The following MCOLN1 variants were observed in gnomAD, a reference collection of about 807,000 sequenced individuals.
MCOLN1 encodes the protein mucolipin TRP cation channel 1.
MCOLN1 carries 50 observed loss-of-function variants against 70.3 expected under a neutral mutation model. The observed-to-expected ratio is 0.71, with a 90% CI of 0.57 to 0.90. The LOEUF (loss-of-function observed/expected upper bound fraction) is 0.90. MCOLN1 is among the 40% of genes least tolerant of loss of function. The pLI is 0.00. For synonymous variants in MCOLN1, 366 were observed against 341.0 expected, an observed-to-expected ratio of 1.07 and a Z score of -0.81; for missense variants, 598 against 803.5, an observed-to-expected ratio of 0.74 and a Z score of 3.09.
In MCOLN1 at chr19:7,526,632, T is replaced by A; in HGVS notation, c.405+26T>A. ...GTGCTGGTGGGCGGGCAGGTGCTGG[T>A]GGGCAGGCAGGTGCAGGTGGGCGGG... On this transcript the variant is annotated intron_variant, in intron 3 of 13. Coordinates refer to ENST00000264079, the MANE Select transcript of MCOLN1 (RefSeq NM_020533.3). The surrounding 1 kb of genome is among the most constrained non-coding windows in gnomAD (Gnocchi z 4.6). 6.4e-7 allele frequency: 1 copy of A among 1,557,134 alleles called. No homozygotes were observed. Among genetic ancestry groups the A allele is most frequent in the Non-Finnish European group, 8.7e-7 (1 of 1,154,666 alleles).
chr19:7,523,971 C>T (rs906920759), intron 1 of MCOLN1, among the ~76,000 whole-genome samples: 2 of 151,936 alleles, frequency 1.3e-5, no homozygotes, highest in South Asian at 2.1e-4. Context: ...CTCAGCCTCC[C>T]GGGTAGATGG....
At chr19:7,529,506 G>GGGGGGCC in intron 10 of MCOLN1, 84 bp from the exon 11 acceptor site, 1 of 280,224 alleles carries the variant, frequency 3.6e-6, no homozygotes, top group Non-Finnish European at 6.4e-6. Flanking sequence ...GCAAGGCCCC[G>GGGGGGCC]CCCCTCCCAC....
rs771079155 is a variant in MCOLN1, at chr19:7,533,509, G to T, written c.1576-14G>T. 6.2e-7 allele frequency: 1 copy of T among 1,610,428 alleles called. No individual in the cohort carries two copies. On this transcript the variant is annotated splice_polypyrimidine_tract_variant and intron_variant, in intron 12 of 13. Coordinates refer to ENST00000264079, the MANE Select transcript of MCOLN1 (RefSeq NM_020533.3). ...AGCCACTTTCAGGCTGAGCCTCCCG[G>T]CTTCTCTCCCCAGCATCCCGGCGGC...
Position 7,526,377 on chromosome 19 carries a change from C to G in MCOLN1, c.238-62C>G, listed in dbSNP as rs1407329250. 2.9e-5 allele frequency: 47 copies of G among 1,600,198 alleles called. No individual in the cohort carries two copies. The highest frequency in any genetic ancestry group is 3.7e-5 in the Non-Finnish European group (43 of 1,167,554). On this transcript the variant is annotated intron_variant, in intron 2 of 13. Coordinates refer to ENST00000264079, the MANE Select transcript of MCOLN1 (RefSeq NM_020533.3). This position sits in a 1 kb window ranked among gnomAD's most constrained non-coding sequence, Gnocchi z 4.6. ...CCTGTCCTCTTCCAGGGCCTGTGCC[C>G]TGAGGGAGATACACCCCAACCCCCA...
At position 7,528,214 on chromosome 19, in the gene MCOLN1, G is replaced by A; in HGVS notation, c.834G>A (p.Gln278=). 1.9e-6 allele frequency: 3 copies of A among 1,614,090 alleles called. No individual in the cohort carries two copies. The highest frequency in any genetic ancestry group is 2.5e-6 in the Non-Finnish European group (3 of 1,179,972). The change falls in exon 7 of 14, where the codon CAG becomes CAA. Residue 278 remains glutamine, a synonymous_variant. Coordinates refer to ENST00000264079, the MANE Select transcript of MCOLN1 (RefSeq NM_020533.3). The surrounding 1 kb of genome is among the most constrained non-coding windows in gnomAD (Gnocchi z 4.2). ...GGATCCCCATCAGCCTGGAGACCCA[G>A]GCCCACATCCAGGAGTGTAAGCACC... ...SGRIPISLET[Q]AHIQECKHPS...
Position 7,525,349 on chromosome 19 carries a change from C to T in MCOLN1, c.237+183C>T, listed in dbSNP as rs2022554041. 4 of 618,036 alleles carry T rather than the reference C, an allele frequency of 6.5e-6. No homozygotes were observed. The highest frequency in any genetic ancestry group is 1.2e-5 in the Non-Finnish European group (4 of 341,590). 38.3% of individuals were successfully genotyped at this position (618,036 alleles called of 1,614,324 possible). ...TCTACTAAAAATACAAAAAAATTAG[C>T]CGTGCGTGGTGGCGGGTGCCTGTAA... On this transcript the variant is annotated intron_variant, in intron 2 of 13. Coordinates refer to ENST00000264079, the MANE Select transcript of MCOLN1 (RefSeq NM_020533.3). The surrounding 1 kb of genome is among the most constrained non-coding windows in gnomAD (Gnocchi z 4.2).
Position 7,526,409 on chromosome 19 carries a change from C to T in MCOLN1, c.238-30C>T. ...AGATACACCCCAACCCCCATCCTAG[C>T]CATGCCAACCTCTACTACCCTCTCC... On this transcript the variant is annotated intron_variant, in intron 2 of 13. Coordinates refer to ENST00000264079, the MANE Select transcript of MCOLN1 (RefSeq NM_020533.3). The surrounding 1 kb of genome is among the most constrained non-coding windows in gnomAD (Gnocchi z 4.6). The T allele has an allele frequency of 3.7e-6, 6 of 1,614,088 alleles. No homozygotes were observed. The highest frequency in any genetic ancestry group is 5.1e-6 in the Non-Finnish European group (6 of 1,179,906).
intron 4 of MCOLN1, chr19:7,527,291 AAAAAC>A: frequency 1.4e-5 from 8 of 555,414 alleles, no homozygotes; most frequent in Admixed American, 3.1e-5. Flanking sequence ...AAAAAAAAAA[AAAAAC>A]AAGTATGCTT....
Position 7,527,849 on chromosome 19 carries a change from G to A in MCOLN1, c.681-15G>A, listed in dbSNP as rs371978455. 204 of 1,607,036 alleles carry A rather than the reference G, an allele frequency of 1.3e-4. 2 individuals are homozygous for A. The highest frequency in any genetic ancestry group is 1.1e-3 in the Admixed American group (65 of 60,016). ...CCGAAGACGCCCCTGACCCTCACCC[G>A]AGCCTCCTGCCTAGGCTGGTCAATG... On this transcript the variant is annotated splice_polypyrimidine_tract_variant and intron_variant, in intron 5 of 13. Transcript: ENST00000264079.
In MCOLN1 at chr19:7,528,165, T is replaced by C. The variant is rs2022599557; in HGVS notation, c.785T>C (p.Phe262Ser). The C allele has an allele frequency of 1.2e-6, 2 of 1,614,000 alleles. No homozygotes were observed. The highest frequency in any genetic ancestry group is 1.7e-6 in the Non-Finnish European group (2 of 1,179,966). Residue 262 changes from phenylalanine (F) to serine (S), a missense_variant, in exon 7 of 14, where the codon TTT (phenylalanine) becomes TCT (serine). Around this residue, in one of 3 missense-constraint regions of MCOLN1, gnomAD observed 461 missense variants for 588.4 expected, o/e 0.78. Coordinates refer to ENST00000264079, the MANE Select transcript of MCOLN1 (RefSeq NM_020533.3). This position sits in a 1 kb window ranked among gnomAD's most constrained non-coding sequence, Gnocchi z 4.2. ...CCCAACTGGCCCCCACAGATCACGT[T>C]TGACAACAAAGCACACAGTGGGCGG... is the stretch of plus-strand genomic sequence containing the variant. ...DCYTFSVLIT[F>S]DNKAHSGRIP...
In MCOLN1 at chr19:7,524,965, C is replaced by T. The variant is rs148187755; in HGVS notation, c.36C>T (p.Thr12=). The T allele has an allele frequency of 9.9e-5, 159 of 1,613,532 alleles. No individual in the cohort carries two copies. The African/African-American group carries it at 1.2e-3, about 12-fold the overall frequency. The change falls in exon 2 of 14, where the codon ACC becomes ACT. Residue 12 remains threonine, a synonymous_variant. Transcript: ENST00000264079. The surrounding 1 kb of genome is among the most constrained non-coding windows in gnomAD (Gnocchi z 4.1). ...TAPAGPRGSE[T]ERLLTPNPGY... is the part of the protein sequence containing the mutation. ...TGCCCTCTCCTATTCCCACAGAGACCGAGCGGCTTCTGACCCCCAACCCCG... is the reference window on the plus strand; with the variant it reads ...TGCCCTCTCCTATTCCCACAGAGACTGAGCGGCTTCTGACCCCCAACCCCG...
Position 7,528,847 on chromosome 19 carries a change from G to A in MCOLN1, c.1011G>A (p.Gln337=), listed in dbSNP as rs1164919725. 4.3e-6 allele frequency: 7 copies of A among 1,614,242 alleles called. No homozygotes were observed. The South Asian group carries it at 6.6e-5, about 15-fold the overall frequency. ...AGTTTGTGGGGTTCATGTGGCGGCA[G>A]CGGGGACGGGTCATCAGCCTGTGGG... ...QNEFVGFMWR[Q]RGRVISLWER... Residue 337 remains glutamine (Q), a synonymous_variant, in exon 9 of 14, where the codon CAG becomes CAA. Transcript: ENST00000264079. This position sits in a 1 kb window ranked among gnomAD's most constrained non-coding sequence, Gnocchi z 4.2.
chr19:7,527,187 G>A (rs527483729), intron 4 of MCOLN1: 6 of 579,632 alleles, frequency 1.0e-5, no homozygotes, highest in East Asian at 6.3e-5. Flanking sequence ...CAGGAGGATC[G>A]CTTGAGTCCG....
In MCOLN1 at chr19:7,528,768, G is replaced by A. The variant is rs2022610367; in HGVS notation, c.985-53G>A. On this transcript the variant is annotated intron_variant, in intron 8 of 13. Coordinates refer to ENST00000264079, the MANE Select transcript of MCOLN1 (RefSeq NM_020533.3). The surrounding 1 kb of genome is among the most constrained non-coding windows in gnomAD (Gnocchi z 4.2). ...CTGGCCCTGGGGCGATAAAAGCCAGGGCTTTGAGGGTCCTGTGCCTGGTCA... is the reference window on the plus strand; with the variant it reads ...CTGGCCCTGGGGCGATAAAAGCCAGAGCTTTGAGGGTCCTGTGCCTGGTCA... The A allele has an allele frequency of 6.2e-7, 1 of 1,614,000 alleles. No homozygotes were observed. The highest frequency in any genetic ancestry group is 1.3e-5 in the African/African-American group (1 of 74,934).
rs1477590500 is a variant in MCOLN1, at chr19:7,529,201, A to G, written c.1235A>G (p.Asn412Ser). 4.3e-6 allele frequency: 7 copies of G among 1,611,244 alleles called. No homozygotes were observed. Among genetic ancestry groups the G allele is most frequent in the Admixed American group, 1.7e-5 (1 of 59,988 alleles). Residue 412 changes from asparagine to serine, a missense_variant and splice_region_variant, in exon 10 of 14, where the codon AAT becomes AGT. Physicochemically the swap from Asn to Ser is conservative, Grantham distance 46 (BLOSUM62 1). Coordinates refer to ENST00000264079, the MANE Select transcript of MCOLN1 (RefSeq NM_020533.3). Reference sequence around the variant, plus strand: ...TACCTGACCTTCTTCCACAACTACAATGTGAGTTTTGCACATGCAGCTGGG... The same window carrying G: ...TACCTGACCTTCTTCCACAACTACAGTGTGAGTTTTGCACATGCAGCTGGG... Reference protein sequence around the residue: ...IRYLTFFHNYNILIATLRVAL... With the variant: ...IRYLTFFHNYSILIATLRVAL...
rs769475080 is a variant in MCOLN1, at chr19:7,529,629, A to G, written c.1276A>G (p.Met426Val). 5.0e-6 allele frequency: 8 copies of G among 1,613,720 alleles called. No individual in the cohort carries two copies. Among genetic ancestry groups the G allele is most frequent in the Admixed American group, 1.7e-5 (1 of 59,994 alleles). ...ACTGCGGGTGGCCCTGCCCAGCGTC[A>G]TGCGCTTCTGCTGCTGCGTGGCTGT... Reference protein sequence around the residue: ...ATLRVALPSVMRFCCCVAVIY... With the variant: ...ATLRVALPSVVRFCCCVAVIY... Residue 426 changes from methionine (M) to valine (V), a missense_variant, in exon 11 of 14, where the codon ATG becomes GTG. Around this residue, in one of 3 missense-constraint regions of MCOLN1, gnomAD observed 461 missense variants for 588.4 expected, o/e 0.78. Transcript: ENST00000264079.
Position 7,527,928 on chromosome 19 carries a change from G to A in MCOLN1, c.745G>A (p.Glu249Lys). ...TINLQSLINN[E>K]IPDCYTFSVL... ...TAACCTCCAGAGCCTCATCAATAAT[G>A]AGATCCCGGACTGCTATACCTTCAG... The change falls in exon 6 of 14, where the codon GAG (glutamate) becomes AAG (lysine). Residue 249 changes from glutamate (E) to lysine (K), a missense_variant. Physicochemically the swap from Glu to Lys is moderately conservative, Grantham distance 56. This residue lies in a region of MCOLN1 where 461 missense variants were observed against 588.4 expected (regional missense o/e 0.78). Transcript: ENST00000264079. 6.2e-7 allele frequency: 1 copy of A among 1,614,166 alleles called. No homozygotes were observed. The highest frequency in any genetic ancestry group is 8.5e-7 in the Non-Finnish European group (1 of 1,180,016).
At chr19:7,532,467 G>A (rs2022668074) in intron 12 of MCOLN1, among the ~76,000 whole-genome samples, 1 of 152,068 alleles carries the variant, frequency 6.6e-6, no homozygotes, top group South Asian at 2.1e-4. Context: ...CAGCCCTTTG[G>A]GAGGCCGAGG....
At position 7,526,513 on chromosome 19, in the gene MCOLN1, C is replaced by T; in HGVS notation, c.312C>T (p.Leu104=). ...AGAACACCATCGCCTTCCGACACCTCTTCCTGCTGGGCTACTCGGACGGAG... is the reference window on the plus strand; with the variant it reads ...AGAACACCATCGCCTTCCGACACCTTTTCCTGCTGGGCTACTCGGACGGAG... The part of the protein sequence containing the change: ...REENTIAFRH[L]FLLGYSDGAD... The change falls in exon 3 of 14, where the codon CTC becomes CTT. Residue 104 remains leucine, a synonymous_variant. Transcript: ENST00000264079. This position sits in a 1 kb window ranked among gnomAD's most constrained non-coding sequence, Gnocchi z 4.6. 1 of 1,614,272 alleles carries T rather than the reference C, an allele frequency of 6.2e-7. No homozygotes were observed. The highest frequency in any genetic ancestry group is 8.5e-7 in the Non-Finnish European group (1 of 1,180,048).
Sources: allele counts gnomAD v4.1 joint callset (sites outside exome capture counted in the v4.1 genomes callset), GRCh38; gene constraint gnomAD v4.1.1; regional missense constraint gnomAD v4.1.1; non-coding constraint Gnocchi (gnomAD v3.1); transcripts MANE v1.5; gene names NCBI Gene and HGNC (gene_info 2026-07-23, HGNC 2026-07-21).